GREB1L: variants seen among roughly 807,000 people sequenced by gnomAD.
GREB1L encodes the protein GREB1 like retinoic acid receptor coactivator.
In GREB1L, 17 loss-of-function variants were observed where a neutral mutation model predicts 200.8. That is an observed-to-expected ratio of 0.08 (90% CI 0.06 to 0.13). The LOEUF (loss-of-function observed/expected upper bound fraction) is 0.13, where lower values mean the gene tolerates loss of function less well. Ranked by LOEUF, GREB1L falls within the 10% of genes least tolerant of loss-of-function variation. The pLI, the probability that GREB1L is intolerant of heterozygous loss-of-function variation, is 1.00. For missense variants in GREB1L, 1,657 were observed against 2,367.7 expected (o/e 0.70, Z 6.23); for synonymous variants, 789 against 893.0 (o/e 0.88, Z 2.08).
At chr18:21,509,619 T>G (rs1247972116) in intron 27 of GREB1L, among the ~76,000 whole-genome samples, 4 of 152,182 alleles carry the variant, frequency 2.6e-5, no homozygotes, top group Non-Finnish European at 5.9e-5. Flanking sequence ...TTGAATATAA[T>G]TGTTTATCAC....
chr18:21,441,333 C>A, intron 9 of GREB1L, 67 bp from the exon 10 acceptor site: 2 of 1,296,132 alleles, frequency 1.5e-6, no homozygotes, highest in Non-Finnish European at 2.1e-6. Context: ...ATTAAAACTG[C>A]ATTGCTTTCT....
chr18:21,293,755 A>G (rs2038486113), intron 1 of GREB1L, among the ~76,000 whole-genome samples: 2 of 152,148 alleles, frequency 1.3e-5, no homozygotes, highest in Admixed American at 1.3e-4. Flanking sequence ...ATTAGATTAT[A>G]ATAGTGCTGT....
intron 15 of GREB1L, among the ~76,000 whole-genome samples, chr18:21,456,676 A>G (rs1169490822): frequency 6.6e-6 from 1 of 152,150 alleles, no homozygotes; most frequent in Non-Finnish European, 1.5e-5. Flanking sequence ...TTGGAATGAC[A>G]GGTTACAAAA....
chr18:21,502,940 A>C (rs1464084176), intron 23 of GREB1L, among the ~76,000 whole-genome samples: 1 of 152,196 alleles, frequency 6.6e-6, no homozygotes, highest in Non-Finnish European at 1.5e-5. Flanking sequence ...AGTAAGAAAC[A>C]CTGTTAGTTT....
chr18:21,482,913 C>T (rs746312912), intron 17 of GREB1L, among the ~76,000 whole-genome samples: 22 of 152,054 alleles, frequency 1.4e-4, no homozygotes, highest in African/African-American at 4.6e-4. Context: ...ATACCTGAAA[C>T]GTATCTTTAT....
At chr18:21,313,740 G>A (rs1334998802) in intron 1 of GREB1L, among the ~76,000 whole-genome samples, 1 of 152,136 alleles carries the variant, frequency 6.6e-6, no homozygotes, top group African/African-American at 2.4e-5. Context: ...CCTCCCATTT[G>A]TCTTTCCGCT....
intron 1 of GREB1L, among the ~76,000 whole-genome samples, chr18:21,313,956 A>G (rs894979278): frequency 2.6e-5 from 4 of 152,136 alleles, no homozygotes; most frequent in Non-Finnish European, 4.4e-5. Context: ...CCTCCTAGAC[A>G]TGAATTTTAA....
intron 16 of GREB1L, among the ~76,000 whole-genome samples, chr18:21,476,575 G>A (rs55847512): frequency 0.042 from 6,370 of 151,492 alleles, 174 homozygotes; most frequent in Non-Finnish European, 0.068. Context: ...TTGTTTTGGG[G>A]TTTTGTTTTT....
intron 1 of GREB1L, among the ~76,000 whole-genome samples, chr18:21,304,643 G>T (rs1252030301): frequency 6.6e-6 from 1 of 152,168 alleles, no homozygotes; most frequent in Non-Finnish European, 1.5e-5. Flanking sequence ...GGAAGAAGCA[G>T]ACAGATTGGG....
intron 1 of GREB1L, among the ~76,000 whole-genome samples, chr18:21,251,895 G>A (rs891285722): frequency 7.4e-5 from 11 of 149,636 alleles, no homozygotes; most frequent in Non-Finnish European, 1.0e-4. Context: ...CAGTGAGCTG[G>A]GATTGTGCCA....
In GREB1L at chr18:21,323,324, T is replaced by C. The variant is rs570243783; in HGVS notation, c.-119-42703T>C. On this transcript the variant is annotated intron_variant, in intron 1 of 32. Transcript: ENST00000424526. ...AAAAATCAAAATTGAATAATATAAG[T>C]TAAAGTCAGAAGACAAAAGAGTAAC... 3.9e-5 allele frequency among the ~76,000 whole-genome samples: 6 copies of C among 152,124 alleles called. No individual in the cohort carries two copies. In the East Asian group the frequency reaches 1.2e-3, roughly 29 times the overall value.
Position 21,508,236 on chromosome 18 carries a change from G to T in GREB1L, c.4487G>T (p.Gly1496Val). 2 of 1,551,734 alleles carry T rather than the reference G, an allele frequency of 1.3e-6. No individual in the cohort carries two copies. The highest frequency in any genetic ancestry group is 1.7e-6 in the Non-Finnish European group (2 of 1,147,018). The part of the protein sequence containing the change: ...KESHFVFSKQ[G>V]KHLESMRLPL... ...AGTCATTTTGTCTTCAGCAAGCAGG[G>T]CAAGCACCTGGAGAGCATGCGGCTG... is the stretch of plus-strand genomic sequence containing the variant. The change falls in exon 26 of 33, where the codon GGC becomes GTC. Residue 1496 changes from glycine to valine, a missense_variant. Gly to Val is a moderately radical substitution (Grantham distance 109). Transcript: ENST00000424526.
intron 32 of GREB1L, 91 bp from the exon 33 acceptor site, chr18:21,522,567 A>G (rs1433673374): frequency 6.1e-6 from 6 of 990,140 alleles, no homozygotes; most frequent in Admixed American, 3.1e-5. Flanking sequence ...TGGTTCTCAG[A>G]TGTGTTAGCT....
intron 11 of GREB1L, among the ~76,000 whole-genome samples, chr18:21,445,028 G>A (rs1173740986): frequency 2.0e-5 from 3 of 152,176 alleles, no homozygotes; most frequent in Admixed American, 6.5e-5. Context: ...TATATTCTCC[G>A]AAGCCCCAAA....
At chr18:21,263,117 G>T (rs993463978) in intron 1 of GREB1L, among the ~76,000 whole-genome samples, 4 of 152,182 alleles carry the variant, frequency 2.6e-5, no homozygotes, top group Non-Finnish European at 5.9e-5. Flanking sequence ...GGGGGATGGG[G>T]AGAATGAAAC....
At chr18:21,348,253 T>C (rs1360311507) in intron 1 of GREB1L, among the ~76,000 whole-genome samples, 1 of 151,880 alleles carries the variant, frequency 6.6e-6, no homozygotes, top group Non-Finnish European at 1.5e-5. Context: ...CTTGCTTGAC[T>C]CTTAAATGAC....
intron 1 of GREB1L, among the ~76,000 whole-genome samples, chr18:21,289,997 G>A (rs1206422605): frequency 6.6e-6 from 1 of 152,196 alleles, no homozygotes; most frequent in Non-Finnish European, 1.5e-5. Flanking sequence ...GACTGTAAAA[G>A]ATGAGACTCC....
chr18:21,246,983 A>G (rs1467011863), intron 1 of GREB1L, among the ~76,000 whole-genome samples: 1 of 152,194 alleles, frequency 6.6e-6, no homozygotes, highest in Non-Finnish European at 1.5e-5. Flanking sequence ...AGTCAAGGTA[A>G]TTTAGACTAC....
intron 4 of GREB1L, among the ~76,000 whole-genome samples, chr18:21,392,352 AT>A (rs34463096): frequency 0.38 from 56,696 of 150,990 alleles, 16,059 homozygotes; most frequent in African/African-American, 0.77. Context: ...GACACAGCAG[AT>A]TTTTTTTTTC....
Sources: allele counts gnomAD v4.1 joint callset (sites outside exome capture counted in the v4.1 genomes callset), GRCh38; gene constraint gnomAD v4.1.1; transcripts MANE v1.5; gene names NCBI Gene and HGNC (gene_info 2026-07-23, HGNC 2026-07-21).